The following SGCZ variants were observed in gnomAD, a reference collection of about 807,000 sequenced individuals.
The protein encoded by SGCZ is sarcoglycan zeta.
Under a neutral mutation model 41.3 loss-of-function variants are expected in SGCZ, and 40 were observed. The observed-to-expected ratio is 0.97, with a 90% CI of 0.75 to 1.26. The LOEUF is 1.26. Among genes scored for constraint, SGCZ ranks in the 50% most tolerant of loss-of-function variants. The pLI, the probability that SGCZ is intolerant of heterozygous loss-of-function variation, is 0.00. For missense variants in SGCZ, 552 were observed against 369.8 expected (o/e 1.49, Z -4.04); for synonymous variants, 206 against 137.5 (o/e 1.50, Z -3.49).
intron 1 of SGCZ, among the ~76,000 whole-genome samples, chr8:14,996,965 T>C (rs2130904498): frequency 6.6e-6 from 1 of 152,348 alleles, no homozygotes; most frequent in East Asian, 1.9e-4. Flanking sequence ...CTACTCTACA[T>C]AGTAAGGAAG....
At chr8:14,870,441 A>G (rs556308802) in intron 1 of SGCZ, among the ~76,000 whole-genome samples, 3 of 152,260 alleles carry the variant, frequency 2.0e-5, no homozygotes, top group Admixed American at 1.3e-4. Context: ...TAACTCAAGT[A>G]AGATTAAGGA....
At chr8:14,733,106 T>C (rs950071815) in intron 1 of SGCZ, among the ~76,000 whole-genome samples, 1 of 151,738 alleles carries the variant, frequency 6.6e-6, no homozygotes, top group Non-Finnish European at 1.5e-5. Context: ...AGTAAAACAA[T>C]CAATCCACAG....
At chr8:14,243,078 G>C (rs1015908833) in intron 3 of SGCZ, among the ~76,000 whole-genome samples, 1 of 152,106 alleles carries the variant, frequency 6.6e-6, no homozygotes, top group East Asian at 1.9e-4. Flanking sequence ...GATTCCAAAT[G>C]AGGAGGGTAT....
intron 1 of SGCZ, among the ~76,000 whole-genome samples, chr8:14,823,872 T>C (rs919495482): frequency 6.6e-6 from 1 of 152,160 alleles, no homozygotes; most frequent in Non-Finnish European, 1.5e-5. Flanking sequence ...ATGGAATAGA[T>C]AGACAATGGT....
intron 1 of SGCZ, among the ~76,000 whole-genome samples, chr8:14,784,205 C>A (rs908015855): frequency 7.4e-6 from 1 of 134,512 alleles, no homozygotes; most frequent in Non-Finnish European, 1.7e-5. Flanking sequence ...CACATGCCAC[C>A]GAGCCTGGCT....
intron 1 of SGCZ, among the ~76,000 whole-genome samples, chr8:15,114,743 G>C (rs1807203791): frequency 6.6e-6 from 1 of 150,856 alleles, no homozygotes; most frequent in South Asian, 2.1e-4. Flanking sequence ...CGAGATACAA[G>C]CGTTTTCTTT....
chr8:14,088,056 A>G lies in SGCZ; in HGVS notation c.*2387T>C, dbSNP rs779384755. Reference sequence around the variant, plus strand: ...CAGTCCCTCACTGGAATCGGTTTTTACATCTTTTTTTCTCACTTTTTTTTT... The same window carrying G: ...CAGTCCCTCACTGGAATCGGTTTTTGCATCTTTTTTTCTCACTTTTTTTTT... On this transcript the variant is annotated 3_prime_UTR_variant, in exon 8 of 8. Transcript: ENST00000382080. Among the ~76,000 whole-genome samples, 198 of 151,908 alleles carry G rather than the reference A, an allele frequency of 1.3e-3. No homozygotes were observed. The highest frequency in any genetic ancestry group is 1.4e-3 in the Non-Finnish European group (92 of 67,808).
intron 1 of SGCZ, among the ~76,000 whole-genome samples, chr8:14,810,320 T>C (rs1176255321): frequency 6.6e-6 from 1 of 152,080 alleles, no homozygotes; most frequent in African/African-American, 2.4e-5. Context: ...GGTATTGCTA[T>C]AGATATTTGA....
intron 5 of SGCZ, among the ~76,000 whole-genome samples, chr8:14,151,534 T>C (rs1803709845): frequency 6.6e-6 from 1 of 152,076 alleles, no homozygotes; most frequent in African/African-American, 2.4e-5. Flanking sequence ...TACACATGTT[T>C]AAGGCAATTA....
Position 14,146,890 on chromosome 8 carries a change from A to AAAAAAAAAATAATAAT in SGCZ, c.547+17689_547+17690insATTATTATTTTTTTTT, listed in dbSNP as rs1182329393. On this transcript the variant is annotated intron_variant, in intron 5 of 7. Transcript: ENST00000382080. ...CCGTCTCAAAAAATAAAAATAAAAA[A>AAAAAAAAAATAATAAT]AATAATAATAATAATAACTACAGCA... Among the ~76,000 whole-genome samples, 69 of 116,212 alleles carry AAAAAAAAAATAATAAT rather than the reference A, an allele frequency of 5.9e-4. 3 individuals are homozygous for AAAAAAAAAATAATAAT. The East Asian group carries it at 7.2e-3, about 12-fold the overall frequency. The allele number at this position is 116,212 out of a possible 152,430, so 76.2% of individuals were successfully genotyped here.
chr8:15,180,074 G>C (rs1800122976), intron 1 of SGCZ, among the ~76,000 whole-genome samples: 1 of 152,154 alleles, frequency 6.6e-6, no homozygotes, highest in African/African-American at 2.4e-5. Context: ...TGCTTTTCTA[G>C]ATTCCTCTTA....
intron 3 of SGCZ, among the ~76,000 whole-genome samples, chr8:14,241,638 G>C (rs184578272): frequency 2.6e-5 from 4 of 151,750 alleles, no homozygotes; most frequent in Non-Finnish European, 5.9e-5. Flanking sequence ...GTATCTCATG[G>C]TTTTCCGAAG....
At chr8:14,657,445 G>A (rs1430286864) in intron 1 of SGCZ, among the ~76,000 whole-genome samples, 1 of 151,958 alleles carries the variant, frequency 6.6e-6, no homozygotes, top group African/African-American at 2.4e-5. Context: ...AAAGTATTTT[G>A]TAAAATAAAG....
At chr8:15,003,378 T>C (rs1420044877) in intron 1 of SGCZ, among the ~76,000 whole-genome samples, 4 of 152,170 alleles carry the variant, frequency 2.6e-5, no homozygotes, top group Non-Finnish European at 5.9e-5. Flanking sequence ...AGCATTAGAA[T>C]GGACTAATAC....
At chr8:15,026,447 G>C (rs775526580) in intron 1 of SGCZ, among the ~76,000 whole-genome samples, 6 of 152,168 alleles carry the variant, frequency 3.9e-5, no homozygotes, top group Non-Finnish European at 7.4e-5. Context: ...ACAAATCACA[G>C]ATTAAGATAA....
At chr8:14,123,092 G>GT (rs1170350927) in intron 5 of SGCZ, among the ~76,000 whole-genome samples, 1 of 152,172 alleles carries the variant, frequency 6.6e-6, no homozygotes, top group Non-Finnish European at 1.5e-5. Context: ...TTACAAAGAC[G>GT]TAAGAGAGAA....
intron 2 of SGCZ, among the ~76,000 whole-genome samples, chr8:14,441,326 C>G (rs565560565): frequency 1.3e-5 from 2 of 152,162 alleles, no homozygotes; most frequent in African/African-American, 2.4e-5. Flanking sequence ...CCCGTAATCC[C>G]AGCACTTTGG....
intron 1 of SGCZ, among the ~76,000 whole-genome samples, chr8:14,733,109 A>G (rs754287735): frequency 6.6e-6 from 1 of 152,124 alleles, no homozygotes; most frequent in Non-Finnish European, 1.5e-5. Flanking sequence ...AAAACAATCA[A>G]TCCACAGCCC....
chr8:14,577,062 T>C (rs141133610), intron 1 of SGCZ, among the ~76,000 whole-genome samples: 1 of 152,342 alleles, frequency 6.6e-6, no homozygotes, highest in Admixed American at 6.5e-5. Flanking sequence ...ATCTTTCAAT[T>C]GCCAAAAGGT....
Sources: allele counts gnomAD v4.1 joint callset (sites outside exome capture counted in the v4.1 genomes callset), GRCh38; gene constraint gnomAD v4.1.1; transcripts MANE v1.5; gene names NCBI Gene and HGNC (gene_info 2026-07-23, HGNC 2026-07-21).